SYT3: variants seen among roughly 807,000 people sequenced by gnomAD.
SYT3 encodes synaptotagmin 3, also known as synaptotagmin-3.
A neutral mutation model predicts 50.6 loss-of-function variants in SYT3; 25 were observed. That is an observed-to-expected ratio of 0.49 (90% CI 0.36 to 0.69). The LOEUF is 0.69. SYT3 is among the 30% of genes least tolerant of loss of function. The pLI, the probability that SYT3 is intolerant of heterozygous loss-of-function variation, is 0.00. For missense variants in SYT3, 589 were observed against 793.6 expected, an observed-to-expected ratio of 0.74 and a Z score of 3.10; for synonymous variants, 323 against 353.9, an observed-to-expected ratio of 0.91 and a Z score of 0.98.
Position 50,637,234 on chromosome 19 carries a change from G to T in SYT3, c.148+30C>A. 6.2e-7 allele frequency: 1 copy of T among 1,605,250 alleles called. No homozygotes were observed. Among genetic ancestry groups the T allele is most frequent in the African/African-American group, 1.3e-5 (1 of 74,886 alleles). ...GTCTCCTGGCCATAGTGCAAGCAGGGGGCTGGCCAAGACAGGCAGGGGTGC... is the reference window on the plus strand; with the variant it reads ...GTCTCCTGGCCATAGTGCAAGCAGGTGGCTGGCCAAGACAGGCAGGGGTGC... On this transcript the variant is annotated intron_variant, in intron 3 of 10. Coordinates refer to ENST00000600079, the MANE Select transcript of SYT3 (RefSeq NM_001160329.2). This position sits in a 1 kb window ranked among gnomAD's most constrained non-coding sequence, Gnocchi z 4.9.
rs1414981221 is a variant in SYT3, at chr19:50,632,182, G to A, written c.674+104C>T. On this transcript the variant is annotated intron_variant, in intron 4 of 10. Coordinates refer to ENST00000600079, the MANE Select transcript of SYT3 (RefSeq NM_001160329.2). The surrounding 1 kb of genome is among the most constrained non-coding windows in gnomAD (Gnocchi z 4.7). ...CCTAAGATCCAGGAGTCAATACCCCGATTCCCCTCCAAATCCCGAACTCAT... is the reference window on the plus strand; with the variant it reads ...CCTAAGATCCAGGAGTCAATACCCCAATTCCCCTCCAAATCCCGAACTCAT... 5 of 1,280,336 alleles carry A rather than the reference G, an allele frequency of 3.9e-6. No homozygotes were observed. Among genetic ancestry groups the A allele is most frequent in the African/African-American group, 3.0e-5 (2 of 66,752 alleles). 79.3% of individuals were successfully genotyped at this position (1,280,336 alleles called of 1,614,324 possible).
chr19:50,634,396 G>A (rs1008877195), intron 3 of SYT3, among the ~76,000 whole-genome samples: 2 of 152,192 alleles, frequency 1.3e-5, no homozygotes, highest in Admixed American at 6.5e-5. Context: ...ACTGCTTAGT[G>A]AAGCTACAGT....
intron 6 of SYT3, among the ~76,000 whole-genome samples, chr19:50,627,626 C>A (rs1486923518): frequency 6.6e-6 from 1 of 150,914 alleles, no homozygotes; most frequent in East Asian, 2.0e-4. Flanking sequence ...GTGACTGAAG[C>A]ATGAGAATCA....
chr19:50,644,898 G>A, the SYT3 span, among the ~76,000 whole-genome samples: 17,672 of 151,466 alleles, frequency 0.12, 1,345 homozygotes, highest in Admixed American at 0.19. Context: ...TAGATGAAGA[G>A]TTAGATAGAG....
chr19:50,646,854 A>G, the SYT3 span, among the ~76,000 whole-genome samples: 3 of 151,942 alleles, frequency 2.0e-5, no homozygotes, highest in South Asian at 2.1e-4. Context: ...TGTTTGAGAC[A>G]GAGTCTTGCT....
chr19:50,625,891 C>A lies in SYT3; in HGVS notation c.1402+6G>T. The A allele has an allele frequency of 1.2e-6, 2 of 1,612,860 alleles. No homozygotes were observed. The highest frequency in any genetic ancestry group is 1.3e-5 in the African/African-American group (1 of 75,006). On this transcript the variant is annotated splice_donor_region_variant and intron_variant, in intron 7 of 10. Transcript: ENST00000600079. This position sits in a 1 kb window ranked among gnomAD's most constrained non-coding sequence, Gnocchi z 7.5. ...AGCCCTCCTCCCTCAGACCCAGGAC[C>A]CTCACCTGAGAAGCCAGTGAGGTCC... is the stretch of plus-strand genomic sequence containing the variant.
chr19:50,647,736 G>T, the SYT3 span, among the ~76,000 whole-genome samples: 1 of 152,124 alleles, frequency 6.6e-6, no homozygotes, highest in Admixed American at 6.5e-5. Context: ...CTGAGTGGCT[G>T]CTAGAGCTAT....
upstream of SYT3, among the ~76,000 whole-genome samples, chr19:50,641,168 A>ATTT (rs566141853): frequency 2.1e-3 from 124 of 60,246 alleles, 2 homozygotes; most frequent in African/African-American, 8.5e-3. Context: ...GAGCCCAGGA[A>ATTT]TTTTTTTTTT....
At chr19:50,647,739 A>G in the SYT3 span, among the ~76,000 whole-genome samples, 1 of 152,150 alleles carries the variant, frequency 6.6e-6, no homozygotes, top group Non-Finnish European at 1.5e-5. Context: ...AGTGGCTGCT[A>G]GAGCTATGGG....
upstream of SYT3, among the ~76,000 whole-genome samples, chr19:50,644,054 C>G (rs1350790089): frequency 2.0e-5 from 3 of 152,208 alleles, no homozygotes; most frequent in African/African-American, 7.2e-5. Context: ...TGAGGGCTGT[C>G]AAGCACACAA....
At chr19:50,652,192 A>C in the SYT3 span, among the ~76,000 whole-genome samples, 1 of 152,272 alleles carries the variant, frequency 6.6e-6, no homozygotes, top group Non-Finnish European at 1.5e-5. Flanking sequence ...TACATATTTA[A>C]ATTTCCCTAA....
chr19:50,622,269 GAC>G lies in SYT3; in HGVS notation c.*214_*215del, dbSNP rs1983878962. 1 of 165,566 alleles carries G rather than the reference GAC, an allele frequency of 6.0e-6. No individual in the cohort carries two copies. The highest frequency in any genetic ancestry group is 6.1e-5 in the Admixed American group (1 of 16,268). The allele number at this position is 165,566 out of a possible 1,614,324, so 10.3% of individuals were successfully genotyped here. On this transcript the variant is annotated 3_prime_UTR_variant, in exon 11 of 11. Coordinates refer to ENST00000600079, the MANE Select transcript of SYT3 (RefSeq NM_001160329.2). The stretch of plus-strand genomic sequence containing the variant: ...GGGGAGCCCCAGGGAAGAAAAGACA[GAC>G]ACAGTGGAGGCTGAATGACCCCCAC...
At chr19:50,643,256 A>C (rs1247536091), upstream of SYT3, among the ~76,000 whole-genome samples, 12 of 152,004 alleles carry the variant, frequency 7.9e-5, no homozygotes, top group Admixed American at 7.9e-4. Context: ...CTGTAGTCCC[A>C]CCTGCTTGGG....
intron 9 of SYT3, among the ~76,000 whole-genome samples, chr19:50,623,215 CT>C (rs1983912445): frequency 6.6e-6 from 1 of 152,060 alleles, no homozygotes; most frequent in African/African-American, 2.4e-5. Context: ...TCACCAGAAA[CT>C]CCTGGGAAGG....
chr19:50,626,110 C>T, intron 6 of SYT3, 93 bp from the exon 7 acceptor site: 1 of 1,493,440 alleles, frequency 6.7e-7, no homozygotes, highest in Non-Finnish European at 9.0e-7. Context: ...TGCTTTACAC[C>T]CTGACATCCA....
chr19:50,632,630 T>C lies in SYT3; in HGVS notation c.330A>G (p.Val110=). Residue 110 remains valine, a synonymous_variant, in exon 4 of 11, where the codon GTA becomes GTG. Transcript: ENST00000600079. The surrounding 1 kb of genome is among the most constrained non-coding windows in gnomAD (Gnocchi z 4.7). ...LGPGVGLAGL[V]GGGGHHLAAG... ...CCGCCAGGTGGTGCCCGCCTCCGCC[T>C]ACCAGGCCTGCCAGCCCGACACCAG... 6.3e-7 allele frequency: 1 copy of C among 1,581,382 alleles called. No individual in the cohort carries two copies.
upstream of SYT3, among the ~76,000 whole-genome samples, chr19:50,641,675 G>A (rs1432284365): frequency 6.6e-6 from 1 of 151,862 alleles, no homozygotes; most frequent in Non-Finnish European, 1.5e-5. Flanking sequence ...GCAAAACCCT[G>A]TCTCTACAAA....
chr19:50,640,788 G>A (rs940841779), upstream of SYT3, among the ~76,000 whole-genome samples: 5 of 152,162 alleles, frequency 3.3e-5, no homozygotes, highest in East Asian at 3.8e-4. Flanking sequence ...GTGTTGTGCC[G>A]CATTCAAAGC....
chr19:50,646,897 C>G, the SYT3 span, among the ~76,000 whole-genome samples: 321 of 152,128 alleles, frequency 2.1e-3, 5 homozygotes, highest in Non-Finnish European at 6.8e-4. Context: ...GTGGCGCGAT[C>G]TCGGCTCACT....
Sources: gnomAD v4.1 joint callset for allele counts (sites outside exome capture counted in the v4.1 genomes callset) on GRCh38, gnomAD v4.1.1 for gene constraint, Gnocchi (gnomAD v3.1) non-coding constraint, MANE v1.5 for transcripts, NCBI Gene and HGNC (gene_info 2026-07-23, HGNC 2026-07-21) for gene names.